Variants in PARG observed in about 807,000 individuals in gnomAD.
PARG encodes poly(ADP-ribose) glycohydrolase, also known as mitochondrial poly(ADP-ribose) glycohydrolase.
A neutral mutation model predicts 113.0 loss-of-function variants in PARG; 35 were observed. The ratio of observed to expected loss-of-function variants is 0.31; its 90% confidence interval spans 0.24 to 0.41. The LOEUF (loss-of-function observed/expected upper bound fraction) is 0.41, where lower values mean the gene tolerates loss of function less well. Ranked by LOEUF, PARG falls within the 10% of genes least tolerant of loss-of-function variation. PARG has a pLI of 1.00. For missense variants in PARG, 797 were observed against 1,169.4 expected (o/e 0.68, Z 4.64); for synonymous variants, 330 against 409.9 (o/e 0.81, Z 2.36).
At chr10:49,892,926 A>C (rs547545907) in intron 7 of PARG, among the ~76,000 whole-genome samples, 1 of 152,348 alleles carries the variant, frequency 6.6e-6, no homozygotes, top group African/African-American at 2.4e-5. Flanking sequence ...TACTAAAAAT[A>C]CAAAAATTAT....
At chr10:49,930,224 T>C (rs1838417844) in intron 4 of PARG, among the ~76,000 whole-genome samples, 1 of 151,266 alleles carries the variant, frequency 6.6e-6, no homozygotes, top group African/African-American at 2.4e-5. Flanking sequence ...TTTTTCACTG[T>C]TAAAAATATA....
rs1838358021 is a variant in PARG at position 49,929,036 on chromosome 10, T to C, written c.1455+3064A>G. Among the ~76,000 whole-genome samples, 3 of 152,232 alleles carry C rather than the reference T, an allele frequency of 2.0e-5. No homozygotes were observed. The South Asian group carries it at 6.2e-4, about 31-fold the overall frequency. On this transcript the variant is annotated intron_variant, in intron 4 of 17. Coordinates refer to ENST00000616448, the MANE Select transcript of PARG (RefSeq NM_003631.5). ...AGTTGTGTATTTTTTACAATAGTCT[T>C]GCATTGCTGTTGTAATAAAATAGAA...
At chr10:49,931,933 CTAAG>C (rs1191519304) in intron 4 of PARG, among the ~76,000 whole-genome samples, 163 bp downstream of exon 4, 13 of 152,308 alleles carry the variant, frequency 8.5e-5, no homozygotes, top group African/African-American at 2.4e-4. Context: ...AAGTTCTATA[CTAAG>C]TAAGTTATCA....
At chr10:49,855,089 A>C (rs1845924950) in intron 13 of PARG, among the ~76,000 whole-genome samples, 1 of 151,220 alleles carries the variant, frequency 6.6e-6, no homozygotes, top group Admixed American at 6.6e-5. Context: ...GAAACAACTA[A>C]AGAAAACTAT....
chr10:49,853,177 G>T (rs1232914995), intron 13 of PARG, among the ~76,000 whole-genome samples: 1 of 151,402 alleles, frequency 6.6e-6, no homozygotes, highest in East Asian at 2.0e-4. Flanking sequence ...GGGACTACAG[G>T]CACCTGCCAC....
At chr10:49,910,957 G>A (rs1434014135) in intron 7 of PARG, among the ~76,000 whole-genome samples, 1 of 151,984 alleles carries the variant, frequency 6.6e-6, no homozygotes, top group African/African-American at 2.4e-5. Context: ...CACACTATAA[G>A]TGAAATGAAA....
At chr10:49,843,678 A>G in intron 13 of PARG, 46 bp from the exon 14 acceptor site, 1 of 1,232,344 alleles carries the variant, frequency 8.1e-7, no homozygotes, top group Non-Finnish European at 1.2e-6. Context: ...TTGATGGCAA[A>G]AACATTCCAC....
chr10:49,909,517 T>C (rs1218782921), intron 7 of PARG: 2 of 152,604 alleles, frequency 1.3e-5, no homozygotes, highest in South Asian at 2.1e-4. Flanking sequence ...CAATGAATTA[T>C]GTTGTACCTG....
Position 49,820,170 on chromosome 10 carries a change from G to C in PARG, c.2771C>G (p.Thr924Ser). ...MHIFLTERKL[T>S]VGDVYKLLLR... Reference sequence around the variant, plus strand: ...CAAGAGTATCTCCTACTTACCAACAGTGAGTTTCCTTTCAGTAAGGAAAAT... The same window carrying C: ...CAAGAGTATCTCCTACTTACCAACACTGAGTTTCCTTTCAGTAAGGAAAAT... The change falls in exon 17 of 18, where the codon ACT (threonine) becomes AGT (serine). Residue 924 changes from threonine (T) to serine (S), a missense_variant. Physicochemically the swap from Thr to Ser is moderately conservative, Grantham distance 58. Coordinates refer to ENST00000616448, the MANE Select transcript of PARG (RefSeq NM_003631.5). 1.9e-6 allele frequency: 3 copies of C among 1,544,002 alleles called. No individual in the cohort carries two copies. The highest frequency in any genetic ancestry group is 2.6e-6 in the Non-Finnish European group (3 of 1,140,200).
intron 7 of PARG, among the ~76,000 whole-genome samples, chr10:49,905,775 A>G (rs1235158719): frequency 2.0e-5 from 3 of 151,958 alleles, no homozygotes; most frequent in African/African-American, 7.3e-5. Context: ...AAAGCACAGT[A>G]GGAATAAGGG....
chr10:49,912,714 C>T (rs1456577025), intron 7 of PARG, among the ~76,000 whole-genome samples: 1 of 152,144 alleles, frequency 6.6e-6, no homozygotes, highest in Non-Finnish European at 1.5e-5. Context: ...CCTATAATCC[C>T]AGCACTTTGG....
intron 12 of PARG, among the ~76,000 whole-genome samples, chr10:49,861,069 A>G (rs1846225293): frequency 6.6e-6 from 1 of 151,984 alleles, no homozygotes; most frequent in African/African-American, 2.4e-5. Context: ...CATAGCAAAC[A>G]GCTAGCTCAC....
At position 49,829,202 on chromosome 10, in the gene PARG, T is replaced by A. The variant is rs992309464; in HGVS notation, c.2647+3601A>T. On this transcript the variant is annotated intron_variant, in intron 16 of 17. Transcript: ENST00000616448. ...AGTGAGTCGAGATAGTGCCACTGCATTCCAGCCTGGGCGACAGTGCAAGAC... is the reference window on the plus strand; with the variant it reads ...AGTGAGTCGAGATAGTGCCACTGCAATCCAGCCTGGGCGACAGTGCAAGAC... Among the ~76,000 whole-genome samples, 6 of 152,104 alleles carry A rather than the reference T, an allele frequency of 3.9e-5. No individual in the cohort carries two copies. In the East Asian group the frequency reaches 5.8e-4, roughly 15 times the overall value.
At chr10:49,895,804 C>T (rs534521703) in intron 7 of PARG, among the ~76,000 whole-genome samples, 15 of 152,054 alleles carry the variant, frequency 9.9e-5, no homozygotes, top group Non-Finnish European at 1.5e-4. Flanking sequence ...CAATGTTTTA[C>T]GGTCTTCAAG....
chr10:49,883,901 T>A (rs1588939779), intron 8 of PARG, among the ~76,000 whole-genome samples: 1 of 149,754 alleles, frequency 6.7e-6, no homozygotes, highest in African/African-American at 2.4e-5. Context: ...TGATGCTAGG[T>A]ACCTTGAGAA....
intron 16 of PARG, among the ~76,000 whole-genome samples, chr10:49,824,536 A>G (rs1399877911): frequency 3.9e-5 from 6 of 152,214 alleles, no homozygotes; most frequent in African/African-American, 1.4e-4. Flanking sequence ...GAAAAAATAC[A>G]AATAAATATG....
intron 16 of PARG, among the ~76,000 whole-genome samples, chr10:49,824,627 ACCACAAGTGTGGTGTGAGGC>A (rs1361371797): frequency 1.3e-5 from 2 of 152,130 alleles, no homozygotes; most frequent in Non-Finnish European, 2.9e-5. Flanking sequence ...TGATACTCAC[ACCACAAGTGTGGTGTGAGGC>A]CACCAGCATG....
chr10:49,831,756 G>A (rs1844676740), intron 16 of PARG, among the ~76,000 whole-genome samples: 2 of 152,186 alleles, frequency 1.3e-5, no homozygotes, highest in Admixed American at 6.5e-5. Context: ...TTCGCTTTAT[G>A]TGTCTCCTTT....
chr10:49,832,987 G>T, intron 15 of PARG, 79 bp from the exon 16 acceptor site: 1 of 644,068 alleles, frequency 1.6e-6, no homozygotes, highest in Admixed American at 3.5e-5. Context: ...TAGGATCAGT[G>T]TCCATTATCA....
Sources: allele counts gnomAD v4.1 joint callset (sites outside exome capture counted in the v4.1 genomes callset), GRCh38; gene constraint gnomAD v4.1.1; transcripts MANE v1.5; gene names NCBI Gene and HGNC (gene_info 2026-07-23, HGNC 2026-07-21).